STAB2: variants seen among roughly 807,000 people sequenced by gnomAD.
STAB2 encodes the protein stabilin-2.
STAB2 carries 288 observed loss-of-function variants against 338.1 expected under a neutral mutation model. The observed-to-expected ratio is 0.85, with a 90% CI of 0.77 to 0.94. STAB2 has a LOEUF of 0.94. Among genes scored for constraint, STAB2 ranks in the 40% least tolerant of loss-of-function variants. The pLI is 0.00. For missense variants in STAB2, 3,141 were observed against 3,210.1 expected (o/e 0.98, Z 0.52); for synonymous variants, 1,202 against 1,193.3 (o/e 1.01, Z -0.15).
intron 13 of STAB2, 170 bp downstream of exon 13, chr12:103,654,868 T>C (rs1874062585): frequency 2.4e-6 from 2 of 844,156 alleles, no homozygotes; most frequent in South Asian, 4.9e-5. Flanking sequence ...CCTGGGAATC[T>C]CTGCAGAAAG....
intron 25 of STAB2, among the ~76,000 whole-genome samples, chr12:103,680,871 A>G (rs1006621304): frequency 6.6e-6 from 1 of 152,240 alleles, no homozygotes; most frequent in East Asian, 1.9e-4. Flanking sequence ...TCCCTTATCT[A>G]TTCATTTGCT....
chr12:103,685,471 T>TGCGC lies in STAB2; in HGVS notation c.2997+390_2997+391insCGCG, dbSNP rs1239345316. Among the ~76,000 whole-genome samples the TGCGC allele has an allele frequency of 5.5e-4, 77 of 140,620 alleles. No individual in the cohort carries two copies. The East Asian group carries it at 0.017, about 32-fold the overall frequency. 92.3% of individuals were successfully genotyped at this position (140,620 alleles called of 152,430 possible). On this transcript the variant is annotated intron_variant, in intron 27 of 68. Coordinates refer to ENST00000388887, the MANE Select transcript of STAB2 (RefSeq NM_017564.10). Reference sequence around the variant, plus strand: ...GTGTGTGTGCGCGTGCGTGTGTGTGTGCGTGCGCGCATGTGTGTGTGTGTG... The same window carrying TGCGC: ...GTGTGTGTGCGCGTGCGTGTGTGTGTGCGCGCGTGCGCGCATGTGTGTGTGTGTG...
At chr12:103,648,316 G>A (rs1008335016) in intron 9 of STAB2, among the ~76,000 whole-genome samples, 6 of 152,144 alleles carry the variant, frequency 3.9e-5, no homozygotes, top group Non-Finnish European at 8.8e-5. Context: ...CCTGCAGGCT[G>A]AATTCAGTAG....
Position 103,695,619 on chromosome 12 carries a change from G to A in STAB2, c.3445G>A (p.Asp1149Asn). 3 of 1,614,182 alleles carry A rather than the reference G, an allele frequency of 1.9e-6. No homozygotes were observed. The highest frequency in any genetic ancestry group is 1.7e-6 in the Non-Finnish European group (2 of 1,180,030). Reference protein sequence around the residue: ...NLLMRLEQMPDYSIFRGYIIQ... With the variant: ...NLLMRLEQMPNYSIFRGYIIQ... ...GCTCATGCGGCTGGAACAGATGCCT[G>A]ACTATTCCATCTTCCGGGGCTACAT... is the stretch of plus-strand genomic sequence containing the variant. Residue 1149 changes from aspartate to asparagine, a missense_variant, in exon 32 of 69, where the codon GAC (aspartate) becomes AAC (asparagine). By Grantham distance (23) the Asp-to-Asn change is conservative (BLOSUM62 1). Transcript: ENST00000388887.
At position 103,700,588 on chromosome 12, in the gene STAB2, C is replaced by T. The variant is rs372336935; in HGVS notation, c.3714+1361C>T. The stretch of plus-strand genomic sequence containing the variant: ...CTTGGAAGAGGCCCTTTTAAATATA[C>T]TTTTTATTTTTCCAGGATTGGTAAT... On this transcript the variant is annotated intron_variant, in intron 34 of 68. Coordinates refer to ENST00000388887, the MANE Select transcript of STAB2 (RefSeq NM_017564.10). Among the ~76,000 whole-genome samples the T allele has an allele frequency of 3.9e-4, 60 of 152,242 alleles. 1 individual carries two copies. Among genetic ancestry groups the T allele is most frequent in the African/African-American group, 1.4e-3 (59 of 41,544 alleles).
In STAB2 at chr12:103,650,555, G is replaced by T; in HGVS notation, c.1234G>T (p.Asp412Tyr). 1 of 1,613,150 alleles carries T rather than the reference G, an allele frequency of 6.2e-7. No homozygotes were observed. Among genetic ancestry groups the T allele is most frequent in the South Asian group, 1.1e-5 (1 of 91,042 alleles). Residue 412 changes from aspartate (D) to tyrosine (Y), a missense_variant, in exon 11 of 69, where the codon GAC (aspartate) becomes TAC (tyrosine). By Grantham distance (160) the Asp-to-Tyr change is radical. Transcript: ENST00000388887. ...ACCCTTCACGGTGCTGTTACCTACA[G>T]ACAAGGGACTGAAAGGATTCAATGT... ...LGPFTVLLPT[D>Y]KGLKGFNVNE...
chr12:103,695,978 CAG>C (rs972522338), intron 33 of STAB2, 134 bp downstream of exon 33: 81 of 820,362 alleles, frequency 9.9e-5, no homozygotes, highest in Non-Finnish European at 1.6e-4. Context: ...TAGACTGGTG[CAG>C]AGACTCTCTC....
Position 103,684,972 on chromosome 12 carries a change from C to T in STAB2, c.2902-17C>T. 1 of 1,611,398 alleles carries T rather than the reference C, an allele frequency of 6.2e-7. No homozygotes were observed. Among genetic ancestry groups the T allele is most frequent in the African/African-American group, 1.3e-5 (1 of 74,932 alleles). On this transcript the variant is annotated splice_polypyrimidine_tract_variant and intron_variant, in intron 26 of 68. Transcript: ENST00000388887. Reference sequence around the variant, plus strand: ...TTTTTGTTGGGGTAACCATTTCTTTCATCTTGGTTTTCTCAGGCAAGCTGT... The same window carrying T: ...TTTTTGTTGGGGTAACCATTTCTTTTATCTTGGTTTTCTCAGGCAAGCTGT...
chr12:103,635,758 G>A (rs1565975613), intron 6 of STAB2, among the ~76,000 whole-genome samples: 1 of 152,214 alleles, frequency 6.6e-6, no homozygotes, highest in Non-Finnish European at 1.5e-5. Flanking sequence ...TGGCTTCTTA[G>A]CTGCTGCTGC....
chr12:103,695,906 G>A, intron 33 of STAB2, 62 bp downstream of exon 33: 1 of 1,502,958 alleles, frequency 6.7e-7, no homozygotes, highest in East Asian at 2.3e-5. Context: ...CTCAGTGTTT[G>A]TAATCCATTA....
At position 103,742,405 on chromosome 12, in the gene STAB2, C is replaced by A; in HGVS notation, c.5882C>A (p.Ala1961Asp). 6.2e-7 allele frequency: 1 copy of A among 1,613,908 alleles called. No individual in the cohort carries two copies. Among genetic ancestry groups the A allele is most frequent in the Non-Finnish European group, 8.5e-7 (1 of 1,179,900 alleles). The change falls in exon 56 of 69, where the codon GCC becomes GAC. Residue 1961 changes from alanine (A) to aspartate (D), a missense_variant and splice_region_variant. Coordinates refer to ENST00000388887, the MANE Select transcript of STAB2 (RefSeq NM_017564.10). The part of the protein sequence containing the change: ...CKGYFGRDCQ[A>D]CPGGPDAPCN... ...GTCACTGCTGTTTCATCTCTTCCAG[C>A]CTGCCCTGGAGGACCAGATGCCCCG...
chr12:103,675,799 G>T (rs898837315), intron 23 of STAB2, 129 bp from the exon 24 acceptor site: 17 of 639,236 alleles, frequency 2.7e-5, no homozygotes, highest in Middle Eastern at 3.9e-4. Flanking sequence ...ACATTTGAGC[G>T]CTGGCTTCCT....
At position 103,689,973 on chromosome 12, in the gene STAB2, C is replaced by T; in HGVS notation, c.3173C>T (p.Ala1058Val). The T allele has an allele frequency of 6.2e-7, 1 of 1,613,098 alleles. No homozygotes were observed. The highest frequency in any genetic ancestry group is 8.5e-7 in the Non-Finnish European group (1 of 1,179,686). ...SFWLSQSNIP[A>V]LIKYHMLLGT... The stretch of plus-strand genomic sequence containing the variant: ...TGGTTGTCACAGAGCAATATTCCAG[C>T]CCTAATAAAGTAGGTGTTACTTATT... Residue 1058 changes from alanine to valine, a missense_variant, in exon 29 of 69, where the codon GCC becomes GTC. Coordinates refer to ENST00000388887, the MANE Select transcript of STAB2 (RefSeq NM_017564.10).
Position 103,662,979 on chromosome 12 carries a change from CAA to C in STAB2, c.2005_2006del (p.Lys669GlufsTer22). On this transcript the variant is annotated frameshift_variant, in exon 18 of 69. Transcript: ENST00000388887. LOFTEE classifies it high-confidence loss of function. ...ATTCTGCCCCATCGATGTGATGAAA[CAA>C]AGAGAGAGATGAAACTGGTAAGAAA... is the stretch of plus-strand genomic sequence containing the variant. The C allele has an allele frequency of 6.8e-6, 11 of 1,613,982 alleles. No homozygotes were observed. The highest frequency in any genetic ancestry group is 1.1e-5 in the South Asian group (1 of 91,030).
At chr12:103,732,616 G>A (rs1881720050) in intron 50 of STAB2, among the ~76,000 whole-genome samples, 1 of 152,102 alleles carries the variant, frequency 6.6e-6, no homozygotes, top group South Asian at 2.1e-4. Flanking sequence ...GACCAGCCTG[G>A]GCAACATGGC....
chr12:103,664,110 C>A (rs1441448966), intron 18 of STAB2, among the ~76,000 whole-genome samples: 1 of 74,374 alleles, frequency 1.3e-5, no homozygotes, highest in East Asian at 6.6e-4. Context: ...TTTGGCTCAG[C>A]CAGTTTTGTT....
chr12:103,651,236 G>T (rs1052489594), intron 11 of STAB2, among the ~76,000 whole-genome samples: 4 of 151,552 alleles, frequency 2.6e-5, no homozygotes, highest in South Asian at 2.1e-4. Context: ...TAATCATTGT[G>T]TAGGAACTGG....
At chr12:103,694,276 A>G (rs1453808168) in intron 31 of STAB2, among the ~76,000 whole-genome samples, 1 of 152,096 alleles carries the variant, frequency 6.6e-6, no homozygotes, top group African/African-American at 2.4e-5. Flanking sequence ...ATCACTGCCT[A>G]TTGTTATGTG....
intron 35 of STAB2, 94 bp downstream of exon 35, chr12:103,703,370 T>A: frequency 1.4e-5 from 21 of 1,469,776 alleles, no homozygotes; most frequent in Non-Finnish European, 1.9e-5. Flanking sequence ...TATTAAGGTG[T>A]ATCAATTCAG....
Sources: gnomAD v4.1 joint callset for allele counts (sites outside exome capture counted in the v4.1 genomes callset) on GRCh38, gnomAD v4.1.1 for gene constraint, MANE v1.5 for transcripts, NCBI Gene and HGNC (gene_info 2026-07-23, HGNC 2026-07-21) for gene names.